LRCH1: variants seen among roughly 807,000 people sequenced by gnomAD.
LRCH1 encodes leucine rich repeats and calponin homology domain containing 1.
In LRCH1, 23 loss-of-function variants were observed where a neutral mutation model predicts 94.9. That is an observed-to-expected ratio of 0.24 (90% CI 0.17 to 0.34). LRCH1 has a LOEUF of 0.34. Among genes scored for constraint, LRCH1 ranks in the 10% least tolerant of loss-of-function variants. LRCH1 has a pLI of 1.00. For missense variants in LRCH1, 790 were observed against 945.9 expected, an observed-to-expected ratio of 0.84 and a Z score of 2.16; for synonymous variants, 364 against 354.9, an observed-to-expected ratio of 1.03 and a Z score of -0.29.
chr13:46,653,390 T>C (rs1005569647), intron 2 of LRCH1, among the ~76,000 whole-genome samples: 2 of 152,208 alleles, frequency 1.3e-5, no homozygotes, highest in African/African-American at 2.4e-5. Context: ...AGGAAAAGCT[T>C]ATCTCACAGA....
Position 46,744,634 on chromosome 13 carries a change from G to A in LRCH1, c.*2786G>A. 1 of 985,396 alleles carries A rather than the reference G, an allele frequency of 1.0e-6. No homozygotes were observed. The highest frequency in any genetic ancestry group is 4.7e-5 in the South Asian group (1 of 21,286). 61.0% of individuals were successfully genotyped at this position (985,396 alleles called of 1,614,324 possible). A position where few individuals can be genotyped will look rare whatever the true frequency, so the allele number is the denominator to read the frequency against. Reference sequence around the variant, plus strand: ...ATAGCCTGCTGCTATTTGTTTGTAAGAAATTAAAACTAGCGCGTGGTGAGC... The same window carrying A: ...ATAGCCTGCTGCTATTTGTTTGTAAAAAATTAAAACTAGCGCGTGGTGAGC... On this transcript the variant is annotated 3_prime_UTR_variant, in exon 20 of 20. Transcript: ENST00000389797.
At chr13:46,659,192 ATTTATTTATTTATTG>A (rs1425088474) in intron 2 of LRCH1, among the ~76,000 whole-genome samples, 5 of 148,592 alleles carry the variant, frequency 3.4e-5, no homozygotes, top group African/African-American at 1.3e-4. Flanking sequence ...TTATTTATTT[ATTTATTTATTTATTG>A]AGACTTGTTG....
intron 18 of LRCH1, among the ~76,000 whole-genome samples, chr13:46,729,571 A>G (rs1047764429): frequency 1.3e-5 from 2 of 151,680 alleles, no homozygotes; most frequent in Non-Finnish European, 2.9e-5. Flanking sequence ...AAAAAAAAGA[A>G]AAAGAAAAAA....
At chr13:46,670,840 A>G (rs537278777) in intron 3 of LRCH1, among the ~76,000 whole-genome samples, 1 of 119,934 alleles carries the variant, frequency 8.3e-6, no homozygotes, top group South Asian at 2.7e-4. Context: ...CAGGGAAAGC[A>G]TTCAAGGAGA....
chr13:46,687,807 T>G, intron 5 of LRCH1, 45 bp from the exon 6 acceptor site: 5 of 1,557,392 alleles, frequency 3.2e-6, no homozygotes, highest in Non-Finnish European at 3.5e-6. Flanking sequence ...TACATTTTGT[T>G]TTGTCATTGA....
chr13:46,712,012 G>A (rs940629815), intron 14 of LRCH1, among the ~76,000 whole-genome samples, 168 bp downstream of exon 14: 10 of 152,158 alleles, frequency 6.6e-5, no homozygotes, highest in African/African-American at 9.7e-5. Context: ...GGTCCTATTC[G>A]TAATTAAAGA....
intron 1 of LRCH1, among the ~76,000 whole-genome samples, chr13:46,632,026 ACCCCAT>A (rs920573576): frequency 6.6e-5 from 10 of 152,108 alleles, no homozygotes; most frequent in African/African-American, 2.2e-4. Flanking sequence ...ACATGGTGGA[ACCCCAT>A]CTCTACTAAA....
rs1162635136 is a variant in LRCH1, at chr13:46,660,940, A to T, written c.453-8090A>T. On this transcript the variant is annotated intron_variant, in intron 2 of 19. Coordinates refer to ENST00000389797, the MANE Select transcript of LRCH1 (RefSeq NM_001164211.2). ...ATTTTCTTCTTTTCCAAATTAGTATATCTTCGATCCTTGTTTCTGTTCATG... is the reference window on the plus strand; with the variant it reads ...ATTTTCTTCTTTTCCAAATTAGTATTTCTTCGATCCTTGTTTCTGTTCATG... Among the ~76,000 whole-genome samples, 3 of 152,278 alleles carry T rather than the reference A, an allele frequency of 2.0e-5. No individual in the cohort carries two copies. The East Asian group carries it at 5.8e-4, about 29-fold the overall frequency.
chr13:46,716,931 T>A (rs1353517146), intron 16 of LRCH1, among the ~76,000 whole-genome samples: 1 of 152,066 alleles, frequency 6.6e-6, no homozygotes, highest in Non-Finnish European at 1.5e-5. Flanking sequence ...AGGGGAGGCA[T>A]TTTTGTTTTT....
rs145032065 is a variant in LRCH1, at chr13:46,614,090, A to G, written c.308-36111A>G. ...TTACTACAATTAAATTAACACACCCATCATTTCACATAGTTACCTTTCTTT... is the reference window on the plus strand; with the variant it reads ...TTACTACAATTAAATTAACACACCCGTCATTTCACATAGTTACCTTTCTTT... On this transcript the variant is annotated intron_variant, in intron 1 of 19. Coordinates refer to ENST00000389797, the MANE Select transcript of LRCH1 (RefSeq NM_001164211.2). Among the ~76,000 whole-genome samples the G allele has an allele frequency of 3.5e-3, 427 of 121,372 alleles. 5 individuals are homozygous for G. The highest frequency in any genetic ancestry group is 0.014 in the African/African-American group (405 of 29,176). The allele number at this position is 121,372 out of a possible 152,430, so 79.6% of individuals were successfully genotyped here.
At chr13:46,641,984 G>T (rs972861554) in intron 1 of LRCH1, among the ~76,000 whole-genome samples, 7 of 152,222 alleles carry the variant, frequency 4.6e-5, no homozygotes, top group Non-Finnish European at 8.8e-5. Flanking sequence ...TGGTTCTGGG[G>T]TTCCGGTTTG....
rs770538140 is a variant in LRCH1, at chr13:46,669,090, C to A, written c.513C>A (p.Ile171=). The A allele has an allele frequency of 2.5e-6, 4 of 1,614,158 alleles. No individual in the cohort carries two copies. Among genetic ancestry groups the A allele is most frequent in the Middle Eastern group, 1.6e-4 (1 of 6,062 alleles). ...CLCGLPLKVL[I]ASNNKLGSLP... ...GTGGTCTGCCTCTCAAAGTCTTAAT[C>A]GCAAGTAACAACAAACTTGGATCAT... The change falls in exon 3 of 20, where the codon ATC becomes ATA. Residue 171 remains isoleucine (I), a synonymous_variant. Transcript: ENST00000389797.
intron 15 of LRCH1, among the ~76,000 whole-genome samples, chr13:46,713,205 A>G (rs1872160398): frequency 6.6e-6 from 1 of 152,266 alleles, no homozygotes; most frequent in South Asian, 2.1e-4. Flanking sequence ...AGTACTCTGT[A>G]TAGAAAAATT....
chr13:46,602,843 A>C (rs1390797824), intron 1 of LRCH1, among the ~76,000 whole-genome samples: 1 of 152,102 alleles, frequency 6.6e-6, no homozygotes, highest in Non-Finnish European at 1.5e-5. Context: ...CAGCTACTGA[A>C]GAGGCTGAGG....
At chr13:46,581,614 G>A (rs1179011722) in intron 1 of LRCH1, among the ~76,000 whole-genome samples, 1 of 152,198 alleles carries the variant, frequency 6.6e-6, no homozygotes, top group Non-Finnish European at 1.5e-5. Context: ...GGAATCTGGA[G>A]CACAAATGTG....
rs1172148897 is a variant in LRCH1, at chr13:46,687,849, T to C, written c.823-3T>C. The stretch of plus-strand genomic sequence containing the variant: ...AATATGATTGCTATTAATTTCTTTG[T>C]AGATTTGCACAAAGGGCAAAGTTCA... On this transcript the variant is annotated splice_polypyrimidine_tract_variant and splice_region_variant and intron_variant, in intron 5 of 19. Transcript: ENST00000389797. The C allele has an allele frequency of 1.9e-6, 3 of 1,608,918 alleles. No homozygotes were observed.
At chr13:46,616,785 G>C (rs1173789517) in intron 1 of LRCH1, among the ~76,000 whole-genome samples, 1 of 152,216 alleles carries the variant, frequency 6.6e-6, no homozygotes, top group Non-Finnish European at 1.5e-5. Flanking sequence ...GGTGCTGGTG[G>C]GCTGAGTCCG....
chr13:46,685,530 T>C (rs2138148886), intron 4 of LRCH1, among the ~76,000 whole-genome samples: 1 of 152,342 alleles, frequency 6.6e-6, no homozygotes, highest in South Asian at 2.1e-4. Flanking sequence ...GTATTACTCA[T>C]GGGCTAGCGA....
At chr13:46,557,244 T>G (rs1040533576) in intron 1 of LRCH1, among the ~76,000 whole-genome samples, 1 of 151,908 alleles carries the variant, frequency 6.6e-6, no homozygotes, top group African/African-American at 2.4e-5. Context: ...TTTTGTACAA[T>G]TAAAAGTGAA....
Sources: allele counts gnomAD v4.1 joint callset (sites outside exome capture counted in the v4.1 genomes callset), GRCh38; gene constraint gnomAD v4.1.1; transcripts MANE v1.5; gene names NCBI Gene and HGNC (gene_info 2026-07-23, HGNC 2026-07-21).